Variants in COP1 observed in about 807,000 individuals in gnomAD.
COP1 encodes E3 ubiquitin-protein ligase COP1.
In COP1, 24 loss-of-function variants were observed where a neutral mutation model predicts 101.3. The ratio of observed to expected loss-of-function variants is 0.24; its 90% CI spans 0.17 to 0.33. The LOEUF (loss-of-function observed/expected upper bound fraction) is 0.33, where lower values mean the gene tolerates loss of function less well. COP1 is among the 10% of genes least tolerant of loss of function. The probability of loss-of-function intolerance (pLI) is 1.00; values close to 1 mark genes in which losing one functional copy is unlikely to be tolerated. For synonymous variants in COP1, 347 were observed against 341.9 expected (o/e 1.01, Z -0.17); for missense variants, 663 against 906.2 (o/e 0.73, Z 3.45).
At chr1:175,964,608 T>A (rs896846691) in intron 18 of COP1, among the ~76,000 whole-genome samples, 1 of 152,220 alleles carries the variant, frequency 6.6e-6, no homozygotes, top group Non-Finnish European at 1.5e-5. Flanking sequence ...ATTTGTCCTA[T>A]AATCACTGAA....
At chr1:176,156,162 A>C (rs12034255) in intron 5 of COP1, among the ~76,000 whole-genome samples, 60,131 of 151,918 alleles carry the variant, frequency 0.4, 12,119 homozygotes, top group Middle Eastern at 0.45. Context: ...GAAGTTTAGT[A>C]AACTGAGTTA....
At chr1:175,946,899 A>G (rs1250144516) in intron 19 of COP1, among the ~76,000 whole-genome samples, 6 of 152,236 alleles carry the variant, frequency 3.9e-5, no homozygotes, top group Admixed American at 2.0e-4. Flanking sequence ...TTGTACTGGC[A>G]TAACAGAAGC....
intron 5 of COP1, 139 bp downstream of exon 5, chr1:176,162,730 G>A (rs759296415): frequency 5.2e-6 from 3 of 573,540 alleles, no homozygotes; most frequent in Non-Finnish European, 8.4e-6. Flanking sequence ...TAGCAGAAGT[G>A]ACACTTTGTA....
Position 176,136,560 on chromosome 1 carries a change from T to C in COP1, c.832-13A>G, listed in dbSNP as rs765646406. On this transcript the variant is annotated splice_polypyrimidine_tract_variant and intron_variant, in intron 6 of 19. Coordinates refer to ENST00000367669, the MANE Select transcript of COP1 (RefSeq NM_022457.7). ...TCTGTTCCAGTTGCTGCAGATTAAA[T>C]AGAGAGAGAAAGACAAAAAAAAAAA... 6 of 1,534,986 alleles carry C rather than the reference T, an allele frequency of 3.9e-6. No homozygotes were observed. Among genetic ancestry groups the C allele is most frequent in the Non-Finnish European group, 5.3e-6 (6 of 1,140,174 alleles).
chr1:176,147,791 G>A (rs1209654164), intron 6 of COP1, among the ~76,000 whole-genome samples: 1 of 152,120 alleles, frequency 6.6e-6, no homozygotes, highest in Non-Finnish European at 1.5e-5. Context: ...AAGATCACAC[G>A]GAAGAATTAA....
chr1:176,058,194 C>T (rs1247594544), intron 11 of COP1, among the ~76,000 whole-genome samples: 1 of 108,904 alleles, frequency 9.2e-6, no homozygotes, highest in Non-Finnish European at 1.9e-5. Context: ...GGGGGGGGGT[C>T]AGCCCCTGCC....
chr1:175,951,888 A>G (rs984965744), intron 18 of COP1, among the ~76,000 whole-genome samples: 2 of 152,038 alleles, frequency 1.3e-5, no homozygotes, highest in Non-Finnish European at 2.9e-5. Context: ...AAACGTTAAG[A>G]CTAAAATGTT....
At chr1:175,953,245 ATACC>A (rs1329247018) in intron 18 of COP1, among the ~76,000 whole-genome samples, 1 of 152,054 alleles carries the variant, frequency 6.6e-6, no homozygotes, top group Non-Finnish European at 1.5e-5. Context: ...GAAACAGTAT[ATACC>A]TAATAAGCTA....
intron 18 of COP1, among the ~76,000 whole-genome samples, chr1:175,983,206 C>T (rs939338251): frequency 5.3e-5 from 8 of 152,102 alleles, no homozygotes; most frequent in African/African-American, 1.4e-4. Context: ...AAAAAGACTC[C>T]TCTGATATGG....
chr1:176,146,792 C>A (rs1691648465), intron 6 of COP1, among the ~76,000 whole-genome samples: 1 of 152,164 alleles, frequency 6.6e-6, no homozygotes, highest in African/African-American at 2.4e-5. Context: ...TAATTTGTCA[C>A]ACAGCAATAG....
chr1:175,956,541 A>T (rs1650674478), intron 18 of COP1, among the ~76,000 whole-genome samples: 1 of 152,172 alleles, frequency 6.6e-6, no homozygotes, highest in South Asian at 2.1e-4. Context: ...ATTTTAAAAT[A>T]CCATCCACAC....
Position 176,165,443 on chromosome 1 carries a change from C to T in COP1, c.566-1552G>A, listed in dbSNP as rs138607193. 1.6e-4 allele frequency among the ~76,000 whole-genome samples: 24 copies of T among 148,880 alleles called. No individual in the cohort carries two copies. The East Asian group carries it at 4.0e-3, about 25-fold the overall frequency. On this transcript the variant is annotated intron_variant, in intron 3 of 19. Transcript: ENST00000367669. The stretch of plus-strand genomic sequence containing the variant: ...ACGATTTAAAATCAATATAGTCATC[C>T]CAGCACTTTGGGAGGCCAAGGTGGG...
intron 8 of COP1, among the ~76,000 whole-genome samples, chr1:176,131,934 C>T (rs923048611): frequency 1.3e-5 from 2 of 151,628 alleles, no homozygotes; most frequent in Non-Finnish European, 3.0e-5. Context: ...TTTAACTCTG[C>T]TAGAATCTAA....
chr1:175,998,114 T>A (rs1301591990), intron 15 of COP1, among the ~76,000 whole-genome samples: 1 of 120,856 alleles, frequency 8.3e-6, no homozygotes, highest in Non-Finnish European at 1.7e-5. Flanking sequence ...ATATACACCA[T>A]GGAATACTAT....
At chr1:176,172,598 C>A (rs599326) in intron 3 of COP1, among the ~76,000 whole-genome samples, 131,407 of 152,178 alleles carry the variant, frequency 0.86, 58,812 homozygotes, top group Non-Finnish European at 0.98. Flanking sequence ...ACATATGCTC[C>A]ATTACTTTAC....
At chr1:176,171,073 C>A (rs1473841872) in intron 3 of COP1, among the ~76,000 whole-genome samples, 1 of 129,264 alleles carries the variant, frequency 7.7e-6, no homozygotes, top group Non-Finnish European at 1.5e-5. Context: ...TGCAGGGAGC[C>A]GAGATCACAC....
chr1:175,987,882 A>G (rs1657500056), intron 17 of COP1, among the ~76,000 whole-genome samples: 2 of 152,208 alleles, frequency 1.3e-5, no homozygotes, highest in Non-Finnish European at 2.9e-5. Flanking sequence ...ATGCAAACAG[A>G]TTACTTCATG....
intron 15 of COP1, among the ~76,000 whole-genome samples, chr1:176,019,560 AT>A (rs1666343409): frequency 1.3e-5 from 2 of 150,670 alleles, no homozygotes; most frequent in African/African-American, 2.4e-5. Context: ...AAAAAAAAAA[AT>A]CAAAACATCA....
At position 176,115,945 on chromosome 1, in the gene COP1, G is replaced by T. The variant is rs140200542; in HGVS notation, c.1026+679C>A. 9.2e-3 allele frequency among the ~76,000 whole-genome samples: 1,403 copies of T among 152,154 alleles called. 21 individuals carry two copies. Among genetic ancestry groups the T allele is most frequent in the African/African-American group, 0.032 (1,333 of 41,518 alleles). ...GTGGTCTTTATTCCATGGAAAAGCT[G>T]TTAAGTTTCAACGTAATGAAGCGTA... On this transcript the variant is annotated intron_variant, in intron 9 of 19. Transcript: ENST00000367669.
Sources: gnomAD v4.1 joint callset for allele counts (sites outside exome capture counted in the v4.1 genomes callset) on GRCh38, gnomAD v4.1.1 for gene constraint, MANE v1.5 for transcripts, NCBI Gene and HGNC (gene_info 2026-07-23, HGNC 2026-07-21) for gene names.